Variants in PHACTR1 observed in about 807,000 individuals in gnomAD.
PHACTR1 encodes the protein RPEL repeat containing 1.
In PHACTR1, 16 loss-of-function variants were observed where a neutral mutation model predicts 69.2. The observed-to-expected ratio is 0.23, with a 90% CI of 0.16 to 0.35. The LOEUF is 0.35. Among genes scored for constraint, PHACTR1 ranks in the 10% least tolerant of loss-of-function variants. The pLI, the probability that PHACTR1 is intolerant of heterozygous loss-of-function variation, is 1.00. For synonymous variants in PHACTR1, 312 were observed against 284.5 expected, an observed-to-expected ratio of 1.10 and a Z score of -0.97; for missense variants, 510 against 734.7, an observed-to-expected ratio of 0.69 and a Z score of 3.54.
At chr6:12,917,565 C>T (rs1787150674) in intron 4 of PHACTR1, among the ~76,000 whole-genome samples, 1 of 151,938 alleles carries the variant, frequency 6.6e-6, no homozygotes, top group Non-Finnish European at 1.5e-5. Context: ...CAAGCCTGGG[C>T]AACAAAATGA....
intron 4 of PHACTR1, among the ~76,000 whole-genome samples, chr6:12,752,541 C>T (rs111720623): frequency 6.6e-6 from 1 of 152,208 alleles, no homozygotes. Flanking sequence ...AGTAATTATA[C>T]ATAAACCCAT....
At chr6:12,867,392 T>C (rs1322286725) in intron 4 of PHACTR1, among the ~76,000 whole-genome samples, 1 of 152,230 alleles carries the variant, frequency 6.6e-6, no homozygotes, top group African/African-American at 2.4e-5. Flanking sequence ...AATTACATAA[T>C]GTACAAGTTA....
Position 13,285,550 on chromosome 6 carries a change from C to T in PHACTR1, c.1651-596C>T, listed in dbSNP as rs548414119. On this transcript the variant is annotated intron_variant, in intron 13 of 14. Coordinates refer to ENST00000332995, the MANE Select transcript of PHACTR1 (RefSeq NM_030948.6). ...TGCTGTCTGATTCCAGGCCCTGTGTCTTCAGTGGCAGTATTATAAGGATGG... is the reference window on the plus strand; with the variant it reads ...TGCTGTCTGATTCCAGGCCCTGTGTTTTCAGTGGCAGTATTATAAGGATGG... Among the ~76,000 whole-genome samples the T allele has an allele frequency of 3.3e-5, 5 of 152,262 alleles. No individual in the cohort carries two copies. The South Asian group carries it at 1.0e-3, about 32-fold the overall frequency.
chr6:13,171,657 G>C (rs959099318), intron 6 of PHACTR1, among the ~76,000 whole-genome samples: 1 of 152,266 alleles, frequency 6.6e-6, no homozygotes, highest in East Asian at 1.9e-4. Context: ...TAACGAACTT[G>C]AACACCACTA....
At chr6:12,847,952 T>G (rs1369791001) in intron 4 of PHACTR1, among the ~76,000 whole-genome samples, 6 of 152,192 alleles carry the variant, frequency 3.9e-5, no homozygotes, top group Admixed American at 2.0e-4. Context: ...TCCGGTATAT[T>G]ATCTTTTATT....
chr6:12,823,140 C>A (rs1776406453), intron 4 of PHACTR1, among the ~76,000 whole-genome samples: 1 of 152,196 alleles, frequency 6.6e-6, no homozygotes, highest in Admixed American at 6.5e-5. Flanking sequence ...TCACCTACCA[C>A]CCGTGTAAAC....
At position 13,107,533 on chromosome 6, in the gene PHACTR1, A is replaced by G. The variant is rs147310983; in HGVS notation, c.416-52671A>G. Among the ~76,000 whole-genome samples, 737 of 152,304 alleles carry G rather than the reference A, an allele frequency of 4.8e-3. 8 individuals carry two copies. The highest frequency in any genetic ancestry group is 0.016 in the African/African-American group (667 of 41,570). On this transcript the variant is annotated intron_variant, in intron 5 of 14. Transcript: ENST00000332995. Reference sequence around the variant, plus strand: ...CTTTGTGGGAAGGGTTTCAATTTCAATGTCACTATCTTTAATAGCTATGGA... The same window carrying G: ...CTTTGTGGGAAGGGTTTCAATTTCAGTGTCACTATCTTTAATAGCTATGGA...
In PHACTR1 at chr6:13,283,474, G is replaced by A. The variant is rs1027138709; in HGVS notation, c.1562G>A (p.Arg521His). ...EELRERKILI[R>H]FSDYVEVADA... Reference sequence around the variant, plus strand: ...CTTCGGGAAAGAAAGATCCTCATCCGCTTCAGTGACTACGTGGAGGTGGCT... The same window carrying A: ...CTTCGGGAAAGAAAGATCCTCATCCACTTCAGTGACTACGTGGAGGTGGCT... The change falls in exon 13 of 15, where the codon CGC (arginine) becomes CAC (histidine). Residue 521 changes from arginine to histidine, a missense_variant. Transcript: ENST00000332995. The surrounding 1 kb of genome is among the most constrained non-coding windows in gnomAD (Gnocchi z 4.7). 13 of 1,613,750 alleles carry A rather than the reference G, an allele frequency of 8.1e-6. No individual in the cohort carries two copies. The highest frequency in any genetic ancestry group is 2.2e-5 in the East Asian group (1 of 44,898).
intron 4 of PHACTR1, among the ~76,000 whole-genome samples, chr6:12,959,191 AAAAAGAAAAG>A (rs546965912): frequency 2.6e-3 from 288 of 108,914 alleles, no homozygotes; most frequent in African/African-American, 0.014. Context: ...AAAAAAAAAA[AAAAAGAAAAG>A]AAAAAAAAAA....
chr6:12,785,848 CTTTAT>C (rs907185044), intron 4 of PHACTR1, among the ~76,000 whole-genome samples: 5 of 152,002 alleles, frequency 3.3e-5, no homozygotes, highest in African/African-American at 1.2e-4. Context: ...TTCATCATAG[CTTTAT>C]TTATTTATTT....
intron 4 of PHACTR1, among the ~76,000 whole-genome samples, chr6:12,892,449 G>A (rs531352454): frequency 6.6e-6 from 1 of 152,318 alleles, no homozygotes; most frequent in African/African-American, 2.4e-5. Flanking sequence ...AGAGGGAAGT[G>A]ATGAAACATA....
chr6:13,265,833 T>C (rs202067), intron 10 of PHACTR1, among the ~76,000 whole-genome samples: 14,665 of 152,210 alleles, frequency 0.096, 1,020 homozygotes, highest in Admixed American at 0.24. Context: ...AGTCCATGCA[T>C]TAAATACTGG....
At chr6:12,875,226 GC>G (rs1174685597) in intron 4 of PHACTR1, among the ~76,000 whole-genome samples, 2 of 152,282 alleles carry the variant, frequency 1.3e-5, no homozygotes, top group Non-Finnish European at 2.9e-5. Flanking sequence ...TCAATGGCGT[GC>G]ATGTTACAAT....
At chr6:12,825,918 A>T (rs943369695) in intron 4 of PHACTR1, among the ~76,000 whole-genome samples, 4 of 152,352 alleles carry the variant, frequency 2.6e-5, no homozygotes, top group Admixed American at 2.6e-4. Flanking sequence ...AAAAGAAAAG[A>T]AAAGAAAAGA....
At chr6:13,021,336 C>T (rs1800946312) in intron 4 of PHACTR1, among the ~76,000 whole-genome samples, 1 of 152,220 alleles carries the variant, frequency 6.6e-6, no homozygotes, top group African/African-American at 2.4e-5. Context: ...TGTATTCATG[C>T]TGTAGCATGT....
At position 13,227,468 on chromosome 6, in the gene PHACTR1, G is replaced by A. The variant is rs141231802; in HGVS notation, c.987-348G>A. Among the ~76,000 whole-genome samples the A allele has an allele frequency of 9.2e-5, 14 of 152,046 alleles. No homozygotes were observed. In the East Asian group the frequency reaches 2.3e-3, roughly 25 times the overall value. ...AATTTGCCATCTTAACCATTCTAAA[G>A]CATACAGTTCAATGGCATTAAGTAC... On this transcript the variant is annotated intron_variant, in intron 8 of 14. Coordinates refer to ENST00000332995, the MANE Select transcript of PHACTR1 (RefSeq NM_030948.6).
chr6:13,150,083 A>G (rs2113440254), intron 5 of PHACTR1, among the ~76,000 whole-genome samples: 1 of 152,274 alleles, frequency 6.6e-6, no homozygotes, highest in East Asian at 1.9e-4. Context: ...ACAGTGGCTC[A>G]CACCTGTAAT....
At chr6:13,266,438 A>G (rs978635581) in intron 10 of PHACTR1, 1 of 152,198 alleles carries the variant, frequency 6.6e-6, no homozygotes. Context: ...AAACTCTTCA[A>G]CGGCTTCACA....
chr6:13,190,196 G>GTTTTGTT (rs1220683843), intron 7 of PHACTR1, among the ~76,000 whole-genome samples: 1 of 31,850 alleles, frequency 3.1e-5, no homozygotes, highest in African/African-American at 1.0e-4. Flanking sequence ...GCTAATTTTT[G>GTTTTGTT]TATTTTTTTT....
Sources: gnomAD v4.1 joint callset for allele counts (sites outside exome capture counted in the v4.1 genomes callset) on GRCh38, gnomAD v4.1.1 for gene constraint, Gnocchi (gnomAD v3.1) non-coding constraint, MANE v1.5 for transcripts, NCBI Gene and HGNC (gene_info 2026-07-23, HGNC 2026-07-21) for gene names.